DIP2C: variants seen among roughly 807,000 people sequenced by gnomAD.
The protein encoded by DIP2C is DIP2 acetate--CoA ligase C (putative).
Under a neutral mutation model 192.4 loss-of-function variants are expected in DIP2C, and 33 were observed. The ratio of observed to expected loss-of-function variants is 0.17; its 90% CI spans 0.13 to 0.23. DIP2C has a LOEUF of 0.23. DIP2C is among the 10% of genes least tolerant of loss of function. The pLI is 1.00. For missense variants in DIP2C, 1,537 were observed against 2,110.1 expected (o/e 0.73, Z 5.32); for synonymous variants, 979 against 864.1 (o/e 1.13, Z -2.33).
intron 30 of DIP2C, among the ~76,000 whole-genome samples, chr10:328,641 T>C (rs1364911283): frequency 1.3e-5 from 2 of 152,224 alleles, no homozygotes; most frequent in African/African-American, 4.8e-5. Flanking sequence ...TACATAAAGT[T>C]ATCTTGCATT....
At chr10:417,807 TGTTCCTGTC>T (rs1382889609) in intron 6 of DIP2C, among the ~76,000 whole-genome samples, 1 of 97,690 alleles carries the variant, frequency 1.0e-5, no homozygotes, top group Non-Finnish European at 2.0e-5. Context: ...CCTGTCCACC[TGTTCCTGTC>T]AGGGCGCGGA....
At chr10:667,709 CACAT>C (rs770965790) in intron 1 of DIP2C, 1 of 151,696 alleles carries the variant, frequency 6.6e-6, no homozygotes. Context: ...GCACACGTAA[CACAT>C]ACAACACAAC....
chr10:488,739 C>T (rs1444366179), intron 1 of DIP2C, among the ~76,000 whole-genome samples: 2 of 152,250 alleles, frequency 1.3e-5, no homozygotes, highest in African/African-American at 4.8e-5. Flanking sequence ...GCATAAATCA[C>T]ACGCTGTAGC....
chr10:307,762 C>T (rs1397510623), intron 32 of DIP2C, among the ~76,000 whole-genome samples: 1 of 152,166 alleles, frequency 6.6e-6, no homozygotes, highest in Non-Finnish European at 1.5e-5. Flanking sequence ...CCCGAGGGCA[C>T]GGGAGAAAGA....
intron 32 of DIP2C, among the ~76,000 whole-genome samples, chr10:303,514 T>C (rs1030619548): frequency 1.3e-5 from 2 of 151,296 alleles, no homozygotes; most frequent in Admixed American, 6.6e-5. Flanking sequence ...CTATTAAAAG[T>C]TTTTTACTTT....
intron 34 of DIP2C, among the ~76,000 whole-genome samples, chr10:283,848 C>A (rs1954962855): frequency 2.0e-5 from 3 of 152,204 alleles, no homozygotes; most frequent in African/African-American, 7.2e-5. Context: ...TCTCATTTCA[C>A]CTGGTTAGCT....
chr10:425,821 ACT>A (rs1465756733), intron 4 of DIP2C, among the ~76,000 whole-genome samples: 6 of 152,354 alleles, frequency 3.9e-5, no homozygotes, highest in South Asian at 2.1e-4. Flanking sequence ...GTACTGACAA[ACT>A]CAAGATAAAC....
intron 4 of DIP2C, among the ~76,000 whole-genome samples, chr10:427,513 AGTC>A: frequency 6.6e-6 from 1 of 152,212 alleles, no homozygotes; most frequent in African/African-American, 2.4e-5. Flanking sequence ...CACCTGTAAA[AGTC>A]GTTCAGATCG....
intron 32 of DIP2C, among the ~76,000 whole-genome samples, chr10:299,343 T>C (rs1955912102): frequency 6.6e-6 from 1 of 152,258 alleles, no homozygotes; most frequent in Non-Finnish European, 1.5e-5. Flanking sequence ...CAGCTCCGCC[T>C]TGAGTGCAGG....
At chr10:452,105 A>G (rs1407852785) in intron 3 of DIP2C, among the ~76,000 whole-genome samples, 6 of 152,234 alleles carry the variant, frequency 3.9e-5, no homozygotes, top group Non-Finnish European at 7.3e-5. Context: ...GGAGGGAAGC[A>G]TGGGGACCAC....
intron 5 of DIP2C, among the ~76,000 whole-genome samples, chr10:419,635 C>CA (rs1318369861): frequency 6.6e-6 from 1 of 152,136 alleles, no homozygotes; most frequent in African/African-American, 2.4e-5. Context: ...CTCCGTGCCT[C>CA]AGTTTCTTCG....
intron 1 of DIP2C, among the ~76,000 whole-genome samples, chr10:557,913 C>CA (rs1848995177): frequency 5.3e-5 from 1 of 18,770 alleles, no homozygotes; most frequent in African/African-American, 2.5e-4. Context: ...GGGAAGGGGG[C>CA]GGGGAAGGGG....
intron 24 of DIP2C, among the ~76,000 whole-genome samples, chr10:355,737 A>AT (rs1333170542): frequency 6.6e-6 from 1 of 152,194 alleles, no homozygotes; most frequent in African/African-American, 2.4e-5. Context: ...AGTGGAAATG[A>AT]TTTTCATTCC....
At chr10:345,598 G>A (rs1426384895) in intron 26 of DIP2C, among the ~76,000 whole-genome samples, 4 of 140,064 alleles carry the variant, frequency 2.9e-5, no homozygotes, top group South Asian at 2.4e-4. Flanking sequence ...TAGTTCTCCC[G>A]GAAACCCCAC....
At chr10:542,092 C>T (rs1848023938) in intron 1 of DIP2C, among the ~76,000 whole-genome samples, 1 of 152,294 alleles carries the variant, frequency 6.6e-6, no homozygotes, top group African/African-American at 2.4e-5. Flanking sequence ...AGAAAAGTCC[C>T]AGAAGACCCC....
At chr10:340,997 A>G in intron 29 of DIP2C, 1 of 728,610 alleles carries the variant, frequency 1.4e-6, no homozygotes, top group Non-Finnish European at 2.4e-6. Context: ...TCCCTGCTGC[A>G]GAAAGTCAAA....
At chr10:575,062 T>C (rs962222596) in intron 1 of DIP2C, among the ~76,000 whole-genome samples, 3 of 152,084 alleles carry the variant, frequency 2.0e-5, no homozygotes, top group African/African-American at 7.2e-5. Flanking sequence ...AGTCTGCTGG[T>C]CTTGGCTTCA....
intron 7 of DIP2C, 119 bp downstream of exon 7, chr10:415,650 T>C: frequency 7.2e-7 from 1 of 1,392,664 alleles, no homozygotes; most frequent in Non-Finnish European, 9.8e-7. Context: ...GTTCCCATCA[T>C]GCGGCAAATG....
chr10:686,262 C>T (rs1831330430), intron 1 of DIP2C, among the ~76,000 whole-genome samples: 1 of 151,934 alleles, frequency 6.6e-6, no homozygotes, highest in Non-Finnish European at 1.5e-5. Flanking sequence ...ATGGCCTCCT[C>T]ACCTGCAGGG....
Sources: allele counts gnomAD v4.1 joint callset (sites outside exome capture counted in the v4.1 genomes callset), GRCh38; gene constraint gnomAD v4.1.1; transcripts MANE v1.5; gene names NCBI Gene and HGNC (gene_info 2026-07-23, HGNC 2026-07-21).